SUMF1: variants seen among roughly 807,000 people sequenced by gnomAD.
The protein encoded by SUMF1 is sulfatase modifying factor 1.
In SUMF1, 48 loss-of-function variants were observed where a neutral mutation model predicts 47.6. That is an observed-to-expected ratio of 1.01 (90% CI 0.80 to 1.28). SUMF1 has a LOEUF of 1.28. Among genes scored for constraint, SUMF1 ranks in the 50% most tolerant of loss-of-function variants. The pLI is 0.00. For synonymous variants in SUMF1, 230 were observed against 192.1 expected (o/e 1.20, Z -1.63); for missense variants, 571 against 485.4 (o/e 1.18, Z -1.66).
intron 7 of SUMF1, among the ~76,000 whole-genome samples, chr3:4,392,832 A>T (rs534280652): frequency 2.0e-5 from 3 of 146,800 alleles, no homozygotes; most frequent in East Asian, 3.9e-4. Flanking sequence ...CTCTGTTCAG[A>T]TTTTTTTTTT....
At chr3:4,301,954 G>C (rs1697977509) in intron 8 of SUMF1, among the ~76,000 whole-genome samples, 1 of 152,116 alleles carries the variant, frequency 6.6e-6, no homozygotes, top group South Asian at 2.1e-4. Context: ...CAAAGAAAAA[G>C]GTCAAGGGCA....
intron 9 of SUMF1, among the ~76,000 whole-genome samples, chr3:4,065,935 C>T (rs795729): frequency 0.2 from 30,383 of 151,986 alleles, 3,118 homozygotes; most frequent in Admixed American, 0.23. Context: ...ATGAGGGGAA[C>T]AGATACTCTT....
intron 1 of SUMF1, among the ~76,000 whole-genome samples, chr3:4,456,446 TTTTC>T (rs1257318075): frequency 3.7e-5 from 5 of 136,642 alleles, no homozygotes; most frequent in African/African-American, 8.2e-5. Flanking sequence ...GATGCCATGT[TTTTC>T]TTTGTTTTTT....
intron 9 of SUMF1, among the ~76,000 whole-genome samples, chr3:4,063,446 AC>A (rs1310211603): frequency 6.6e-6 from 1 of 151,714 alleles, no homozygotes; most frequent in Non-Finnish European, 1.5e-5. Context: ...CTAAAACCCC[AC>A]CCCAAAGTGA....
intron 8 of SUMF1, among the ~76,000 whole-genome samples, chr3:4,140,688 G>A (rs1694050867): frequency 6.6e-6 from 1 of 151,942 alleles, no homozygotes; most frequent in South Asian, 2.1e-4. Flanking sequence ...ACTACTTTAT[G>A]TAGTATATTT....
In SUMF1 at chr3:4,080,945, C is replaced by T. The variant is rs181247429; in HGVS notation, c.1015-12200G>A. ...TCCTAGCTGGTGACCATGAGCAAGT[C>T]ATTAAATAAATTTTCTTACCTCAGT... On this transcript the variant is annotated intron_variant and NMD_transcript_variant, in intron 8 of 12. Coordinates refer to the SUMF1 transcript ENST00000448413. 1.0e-3 allele frequency among the ~76,000 whole-genome samples: 157 copies of T among 152,166 alleles called. 2 individuals are homozygous for T. Among genetic ancestry groups the T allele is most frequent in the Non-Finnish European group, 1.6e-3 (111 of 68,004 alleles).
At chr3:4,335,271 A>T (rs1699122244) in intron 8 of SUMF1, among the ~76,000 whole-genome samples, 1 of 152,220 alleles carries the variant, frequency 6.6e-6, no homozygotes, top group Admixed American at 6.5e-5. Context: ...ATGAAAGATG[A>T]TGCCCAAACT....
At chr3:4,203,973 G>C (rs867457028) in intron 8 of SUMF1, among the ~76,000 whole-genome samples, 6 of 151,752 alleles carry the variant, frequency 4.0e-5, no homozygotes, top group African/African-American at 1.5e-4. Context: ...TTTTTGATAA[G>C]TCCATCCTTT....
At chr3:4,264,722 G>A (rs1468740183) in intron 8 of SUMF1, among the ~76,000 whole-genome samples, 7 of 152,128 alleles carry the variant, frequency 4.6e-5, no homozygotes, top group Non-Finnish European at 1.0e-4. Flanking sequence ...AGATATGTCA[G>A]GGGAGGATAG....
chr3:4,310,408 T>C (rs60828753), intron 8 of SUMF1, among the ~76,000 whole-genome samples: 8,850 of 152,312 alleles, frequency 0.058, 408 homozygotes, highest in Admixed American at 0.11. Context: ...TGAAATGATA[T>C]TTTATTGACC....
At chr3:4,127,825 G>C (rs191240532) in intron 8 of SUMF1, among the ~76,000 whole-genome samples, 32 of 152,160 alleles carry the variant, frequency 2.1e-4, no homozygotes, top group Admixed American at 4.6e-4. Context: ...GGAGTTGGCT[G>C]CTTAATATGA....
At chr3:4,390,705 C>T (rs1054807132) in intron 7 of SUMF1, among the ~76,000 whole-genome samples, 3 of 152,142 alleles carry the variant, frequency 2.0e-5, no homozygotes, top group African/African-American at 7.2e-5. Context: ...ACCTAAGCCT[C>T]CTGAGTATCT....
At position 4,361,787 on chromosome 3, in the gene SUMF1, C is replaced by T. The variant is rs1699765862; in HGVS notation, c.*357G>A. ...TCCCTTCATTTGATAGGGGAGGGCA[C>T]TTGAGGCCCAGGAAGGTCAAGCGTC... On this transcript the variant is annotated 3_prime_UTR_variant, in exon 9 of 9. Transcript: ENST00000272902. 3.3e-6 allele frequency: 1 copy of T among 300,950 alleles called. No individual in the cohort carries two copies. Among genetic ancestry groups the T allele is most frequent in the Non-Finnish European group, 6.4e-6 (1 of 155,790 alleles). The allele number at this position is 300,950 out of a possible 1,614,324, so 18.6% of individuals were successfully genotyped here. A position where few individuals can be genotyped will look rare whatever the true frequency, so the allele number is the denominator to read the frequency against.
At chr3:4,307,290 G>A (rs942883427) in intron 8 of SUMF1, among the ~76,000 whole-genome samples, 3 of 152,122 alleles carry the variant, frequency 2.0e-5, no homozygotes, top group Non-Finnish European at 2.9e-5. Flanking sequence ...TCTGGCAATC[G>A]AAAAATGCTT....
intron 9 of SUMF1, among the ~76,000 whole-genome samples, chr3:4,042,196 G>A (rs1694918815): frequency 6.6e-6 from 1 of 152,134 alleles, no homozygotes; most frequent in Admixed American, 6.5e-5. Flanking sequence ...TGAGGTAAGA[G>A]ACATGAGAAA....
chr3:4,132,579 G>C (rs1693818054), intron 8 of SUMF1, among the ~76,000 whole-genome samples: 1 of 152,084 alleles, frequency 6.6e-6, no homozygotes, highest in Admixed American at 6.6e-5. Flanking sequence ...TGATCCACTA[G>C]CAAAATTTTT....
Position 4,106,662 on chromosome 3 carries a change from T to C in SUMF1, c.1015-37917A>G, listed in dbSNP as rs556578103. Among the ~76,000 whole-genome samples, 4 of 152,226 alleles carry C rather than the reference T, an allele frequency of 2.6e-5. No homozygotes were observed. In the South Asian group the frequency reaches 8.3e-4, roughly 32 times the overall value. The stretch of plus-strand genomic sequence containing the variant: ...AGTAGAAGCCGAATAATCCACAAAG[T>C]AGTCAAACCCTGGAGAAATCAGGAA... On this transcript the variant is annotated intron_variant and NMD_transcript_variant, in intron 8 of 12. Transcript: ENST00000448413.
chr3:4,305,097 T>G (rs314440), intron 8 of SUMF1, among the ~76,000 whole-genome samples: 82,630 of 151,638 alleles, frequency 0.54, 23,187 homozygotes, highest in African/African-American at 0.65. Flanking sequence ...AGATAAAGGG[T>G]TTTTTTTTGA....
chr3:4,324,614 C>T (rs925581691), intron 8 of SUMF1, among the ~76,000 whole-genome samples: 1 of 152,094 alleles, frequency 6.6e-6, no homozygotes, highest in Admixed American at 6.5e-5. Context: ...AGGAAAAAGT[C>T]GATTATGCAT....
Sources: gnomAD v4.1 joint callset for allele counts (sites outside exome capture counted in the v4.1 genomes callset) on GRCh38, gnomAD v4.1.1 for gene constraint, MANE v1.5 for transcripts, NCBI Gene and HGNC (gene_info 2026-07-23, HGNC 2026-07-21) for gene names.